Variants in XRN1 observed in about 807,000 individuals in gnomAD.
XRN1 encodes 5'-3' exoribonuclease 1, also known as strand-exchange protein 1 homolog.
Under a neutral mutation model 222.3 loss-of-function variants are expected in XRN1, and 67 were observed. That is an observed-to-expected ratio of 0.30 (90% confidence interval 0.25 to 0.37). The LOEUF (loss-of-function observed/expected upper bound fraction) is 0.37. Among genes scored for constraint, XRN1 ranks in the 10% least tolerant of loss-of-function variants. The pLI, the probability that XRN1 is intolerant of heterozygous loss-of-function variation, is 1.00. For synonymous variants in XRN1, 643 were observed against 652.4 expected (o/e 0.99, Z 0.22); for missense variants, 1,707 against 2,000.2 (o/e 0.85, Z 2.80).
chr3:142,361,242 T>C (rs1288299274), intron 29 of XRN1, among the ~76,000 whole-genome samples: 1 of 152,264 alleles, frequency 6.6e-6, no homozygotes, highest in Non-Finnish European at 1.5e-5. Context: ...CTGAGAAGTA[T>C]TCCACTGCAT....
At chr3:142,443,491 G>T (rs111314267) in intron 1 of XRN1, among the ~76,000 whole-genome samples, 468 of 152,306 alleles carry the variant, frequency 3.1e-3, no homozygotes, top group Non-Finnish European at 5.5e-3. Flanking sequence ...AGGAGGTAAA[G>T]AAATAGCCAA....
intron 39 of XRN1, chr3:142,313,273 C>T (rs1322307099): frequency 3.0e-6 from 4 of 1,318,196 alleles, no homozygotes; most frequent in African/African-American, 3.0e-5. Flanking sequence ...GAAGTCAAGG[C>T]CTTTTTTCAC....
chr3:142,424,865 CA>C (rs10662291), intron 5 of XRN1, among the ~76,000 whole-genome samples: 2 of 151,864 alleles, frequency 1.3e-5, no homozygotes, highest in East Asian at 3.9e-4. Flanking sequence ...AAGTTAATGC[CA>C]AAAAGTCTAC....
chr3:142,445,417 T>C (rs868496219), intron 1 of XRN1, among the ~76,000 whole-genome samples: 3 of 152,242 alleles, frequency 2.0e-5, no homozygotes, highest in Non-Finnish European at 2.9e-5. Flanking sequence ...TTTTCTCGTA[T>C]AATAACTTTG....
chr3:142,416,893 G>A (rs1050759293), intron 13 of XRN1, among the ~76,000 whole-genome samples: 15 of 151,704 alleles, frequency 9.9e-5, no homozygotes, highest in Non-Finnish European at 2.9e-5. Flanking sequence ...TTAGCTGGCC[G>A]TGGTGGCGCA....
chr3:142,422,874 T>C lies in XRN1; in HGVS notation c.759A>G (p.Leu253=). The change falls in exon 7 of 41, where the codon TTA becomes TTG. Residue 253 remains leucine (L), a synonymous_variant. Transcript: ENST00000392981. Reference sequence around the variant, plus strand: ...ACTCATAGTCAATATACTCTCTCATTAAAGACAAGTGTAGAAGGTGAAATG... The same window carrying C: ...ACTCATAGTCAATATACTCTCTCATCAAAGACAAGTGTAGAAGGTGAAATG... The part of the protein sequence containing the change: ...ETTFHLLHLS[L]MREYIDYEFS... The C allele has an allele frequency of 6.2e-7, 1 of 1,612,724 alleles. No individual in the cohort carries two copies. The highest frequency in any genetic ancestry group is 1.7e-5 in the Admixed American group (1 of 59,970).
intron 27 of XRN1, among the ~76,000 whole-genome samples, chr3:142,366,510 GA>G (rs1448875303): frequency 6.6e-6 from 1 of 152,126 alleles, no homozygotes; most frequent in African/African-American, 2.4e-5. Flanking sequence ...ATAAAGCAGT[GA>G]ACTGTTCTCT....
chr3:142,442,888 G>A (rs185641470), intron 1 of XRN1, among the ~76,000 whole-genome samples: 1 of 152,074 alleles, frequency 6.6e-6, no homozygotes, highest in Non-Finnish European at 1.5e-5. Context: ...CGCCCAACAC[G>A]ACGCCCGGCT....
At chr3:142,426,480 TC>T (rs2069252469) in intron 3 of XRN1, 1 of 361,766 alleles carries the variant, frequency 2.8e-6, no homozygotes, top group South Asian at 4.8e-5. Flanking sequence ...ATAAGTTTCT[TC>T]AAGGTCTGCA....
chr3:142,441,403 A>G (rs1347104414), intron 1 of XRN1, among the ~76,000 whole-genome samples: 2 of 152,252 alleles, frequency 1.3e-5, no homozygotes, highest in Non-Finnish European at 2.9e-5. Context: ...CCCAGTGTTA[A>G]GCTTGCCAAT....
At chr3:142,389,199 C>T (rs1212024732) in intron 20 of XRN1, among the ~76,000 whole-genome samples, 2 of 152,156 alleles carry the variant, frequency 1.3e-5, no homozygotes, top group African/African-American at 4.8e-5. Context: ...GGTGACAGAG[C>T]GAGACTCTGT....
chr3:142,379,935 T>G, intron 23 of XRN1, 147 bp downstream of exon 23: 1 of 643,686 alleles, frequency 1.6e-6, no homozygotes, highest in Non-Finnish European at 2.6e-6. Context: ...CCACACTTAT[T>G]TTTAAATACC....
intron 19 of XRN1, among the ~76,000 whole-genome samples, chr3:142,399,916 A>G (rs1002263411): frequency 6.6e-6 from 1 of 151,954 alleles, no homozygotes; most frequent in Non-Finnish European, 1.5e-5. Context: ...TGAAAAATAA[A>G]ATATAAGAAA....
At chr3:142,415,367 T>A (rs371738530) in intron 13 of XRN1, among the ~76,000 whole-genome samples, 7 of 152,188 alleles carry the variant, frequency 4.6e-5, no homozygotes, top group African/African-American at 1.7e-4. Context: ...CCAAGTGCCA[T>A]GTGGAATAGA....
intron 23 of XRN1, among the ~76,000 whole-genome samples, chr3:142,379,591 G>A (rs913141631): frequency 1.4e-4 from 21 of 152,148 alleles, no homozygotes; most frequent in African/African-American, 4.6e-4. Context: ...AGAAAAGAAC[G>A]CCAGTGGAAT....
At chr3:142,333,333 T>C (rs1270179223) in intron 34 of XRN1, among the ~76,000 whole-genome samples, 2 of 152,184 alleles carry the variant, frequency 1.3e-5, no homozygotes, top group African/African-American at 2.4e-5. Flanking sequence ...AGCTTAATAT[T>C]ATATTTGGCA....
At chr3:142,364,167 C>T (rs1309110424) in intron 29 of XRN1, among the ~76,000 whole-genome samples, 1 of 152,186 alleles carries the variant, frequency 6.6e-6, no homozygotes, top group Non-Finnish European at 1.5e-5. Context: ...TATGTTAGTG[C>T]CTGGCACATT....
intron 12 of XRN1, chr3:142,418,222 C>T: frequency 3.3e-6 from 1 of 299,704 alleles, no homozygotes. Flanking sequence ...TCTTATTGGA[C>T]ATTTAGATTA....
intron 29 of XRN1, among the ~76,000 whole-genome samples, chr3:142,363,288 TC>T (rs1043362890): frequency 3.9e-5 from 6 of 152,138 alleles, no homozygotes; most frequent in African/African-American, 1.4e-4. Flanking sequence ...CCATTTTTTT[TC>T]TTTTACACTA....
Sources: gnomAD v4.1 joint callset for allele counts (sites outside exome capture counted in the v4.1 genomes callset) on GRCh38, gnomAD v4.1.1 for gene constraint, MANE v1.5 for transcripts, NCBI Gene and HGNC (gene_info 2026-07-23, HGNC 2026-07-21) for gene names.